PVALEF: variants seen among roughly 807,000 people sequenced by gnomAD.
The protein encoded by PVALEF is parvalbumin like EF-hand containing, also known as parvalbumin-like EF-hand-containing protein.
A neutral mutation model predicts 1.2 loss-of-function variants in PVALEF; 2 were observed. That is an observed-to-expected ratio of 1.68 (90% CI 0.69 to 5.28). The LOEUF is 5.28. PVALEF is among the 30% of genes most tolerant of loss of function. The pLI is 0.06. For missense variants in PVALEF, 35 were observed against 17.7 expected (o/e 1.97, Z -1.75); for synonymous variants, 16 against 6.5 (o/e 2.47, Z -2.24).
At chr17:81,174,908 C>T (rs948782421) in intron 2 of PVALEF, among the ~76,000 whole-genome samples, 5 of 148,318 alleles carry the variant, frequency 3.4e-5, no homozygotes, top group Non-Finnish European at 5.9e-5. Flanking sequence ...GAGATCACGC[C>T]ACTGCACTCC....
At chr17:81,182,511 G>A (rs2061558303) in intron 6 of PVALEF, among the ~76,000 whole-genome samples, 1 of 152,310 alleles carries the variant, frequency 6.6e-6, no homozygotes, top group Non-Finnish European at 1.5e-5. Flanking sequence ...TCATCTGCCT[G>A]GGTCTAGAAA....
chr17:81,177,777 C>T (rs779089120), intron 2 of PVALEF, among the ~76,000 whole-genome samples: 3 of 152,238 alleles, frequency 2.0e-5, no homozygotes, highest in Non-Finnish European at 4.4e-5. Flanking sequence ...CTGATTGCTT[C>T]ATCTCATCCA....
At position 81,183,073 on chromosome 17, in the gene PVALEF, C is replaced by G. The variant is rs1271552813; in HGVS notation, c.*62C>G. On this transcript the variant is annotated 3_prime_UTR_variant, in exon 7 of 7. Transcript: ENST00000637878. ...TGGGGTAACCGGGGTGACCACGCACCTGGGCAGAAGCCGTTGGGGCCGGTA... is the reference window on the plus strand; with the variant it reads ...TGGGGTAACCGGGGTGACCACGCACGTGGGCAGAAGCCGTTGGGGCCGGTA... The G allele has an allele frequency of 5.0e-6, 2 of 398,560 alleles. No individual in the cohort carries two copies. The highest frequency in any genetic ancestry group is 4.1e-5 in the African/African-American group (2 of 48,648). 24.7% of individuals were successfully genotyped at this position (398,560 alleles called of 1,614,324 possible).
intron 2 of PVALEF, among the ~76,000 whole-genome samples, chr17:81,171,203 G>A (rs934039846): frequency 3.3e-5 from 5 of 152,156 alleles, no homozygotes; most frequent in Admixed American, 1.3e-4. Flanking sequence ...TGACCTGGGG[G>A]CAGGGCTGGA....
chr17:81,177,518 C>T (rs572264831), intron 2 of PVALEF, among the ~76,000 whole-genome samples: 2 of 151,626 alleles, frequency 1.3e-5, no homozygotes, highest in Non-Finnish European at 2.9e-5. Context: ...TGCACTCCAG[C>T]CTGGGTGATA....
intron 2 of PVALEF, among the ~76,000 whole-genome samples, chr17:81,176,984 T>C (rs969544245): frequency 1.4e-5 from 2 of 143,114 alleles, no homozygotes. Context: ...TGGAGTGCGG[T>C]GGCGCGATCT....
At chr17:81,177,992 G>A (rs1375863252) in intron 2 of PVALEF, among the ~76,000 whole-genome samples, 11 of 152,170 alleles carry the variant, frequency 7.2e-5, no homozygotes, top group Admixed American at 7.2e-4. Context: ...CCGACCTGAG[G>A]CTCCAGGTGG....
chr17:81,172,303 C>T (rs940091902), intron 2 of PVALEF, among the ~76,000 whole-genome samples: 8 of 152,352 alleles, frequency 5.3e-5, no homozygotes, highest in African/African-American at 1.9e-4. Flanking sequence ...GGGTGAACCC[C>T]ACACAGAAGA....
chr17:81,181,114 A>G lies in PVALEF; in HGVS notation c.-104-9A>G, dbSNP rs1242207574. 1 of 646,710 alleles carries G rather than the reference A, an allele frequency of 1.5e-6. No individual in the cohort carries two copies. Among genetic ancestry groups the G allele is most frequent in the African/African-American group, 1.8e-5 (1 of 55,352 alleles). The allele number at this position is 646,710 out of a possible 1,614,324, so 40.1% of individuals were successfully genotyped here. On this transcript the variant is annotated splice_polypyrimidine_tract_variant and intron_variant, in intron 3 of 6. Coordinates refer to ENST00000637878, the MANE Select transcript of PVALEF (RefSeq NM_001354639.2). ...CACTGTGACGCCTGTCACCATTCCC[A>G]CTTTACAGCAGGATCCAGCACCACG...
chr17:81,180,813 A>G (rs1313681147), intron 3 of PVALEF, among the ~76,000 whole-genome samples: 1 of 152,014 alleles, frequency 6.6e-6, no homozygotes, highest in African/African-American at 2.4e-5. Context: ...TGGCAGCAAG[A>G]GCGTTCCAGA....
intron 1 of PVALEF, 91 bp downstream of exon 1, chr17:81,165,838 G>A: frequency 6.6e-7 from 1 of 1,522,352 alleles, no homozygotes. Context: ...GGCGGGGAAA[G>A]GGTTAATTTC....
chr17:81,173,492 T>C (rs952203260), intron 2 of PVALEF, among the ~76,000 whole-genome samples: 2 of 152,146 alleles, frequency 1.3e-5, no homozygotes, highest in South Asian at 2.1e-4. Context: ...GAGAACCGAC[T>C]ATGTGGCTTG....
At chr17:81,178,126 C>T (rs912781098) in intron 2 of PVALEF, among the ~76,000 whole-genome samples, 11 of 152,188 alleles carry the variant, frequency 7.2e-5, no homozygotes, top group Non-Finnish European at 1.2e-4. Flanking sequence ...CCTGGGGCCC[C>T]GCCAATGGCA....
intron 2 of PVALEF, among the ~76,000 whole-genome samples, chr17:81,169,757 T>C (rs908361198): frequency 5.9e-5 from 9 of 152,054 alleles, no homozygotes; most frequent in Non-Finnish European, 1.2e-4. Flanking sequence ...TGTCTATGTG[T>C]GTGTATGCAT....
intron 2 of PVALEF, among the ~76,000 whole-genome samples, chr17:81,167,724 G>T (rs1275584381): frequency 6.6e-6 from 1 of 152,230 alleles, no homozygotes; most frequent in Admixed American, 6.5e-5. Context: ...GGGGCAGAAG[G>T]AGACAGGGCA....
chr17:81,177,578 A>C (rs2146448740), intron 2 of PVALEF, among the ~76,000 whole-genome samples: 1 of 152,190 alleles, frequency 6.6e-6, no homozygotes, highest in East Asian at 1.9e-4. Flanking sequence ...AAAAAAGGCA[A>C]AGATGGTAAA....
intron 2 of PVALEF, among the ~76,000 whole-genome samples, chr17:81,170,960 AG>A (rs1019194042): frequency 3.9e-5 from 6 of 152,146 alleles, no homozygotes; most frequent in Non-Finnish European, 7.4e-5. Flanking sequence ...GCCCTCAGGC[AG>A]GAGGGGCAGC....
In PVALEF at chr17:81,165,721, G is replaced by C. The variant is rs1395500052; in HGVS notation, c.-534G>C. The C allele has an allele frequency of 1.3e-6, 2 of 1,522,892 alleles. No individual in the cohort carries two copies. Among genetic ancestry groups the C allele is most frequent in the African/African-American group, 2.8e-5 (2 of 72,536 alleles). The allele number at this position is 1,522,892 out of a possible 1,614,324, so 94.3% of individuals were successfully genotyped here. The stretch of plus-strand genomic sequence containing the variant: ...CAGCCACGGAGTCACGACCACGCGG[G>C]GGACGCCAGCCCACAGGCGGAGGCC... On this transcript the variant is annotated 5_prime_UTR_variant, in exon 1 of 7. Transcript: ENST00000637878.
intron 2 of PVALEF, among the ~76,000 whole-genome samples, chr17:81,167,229 G>T (rs1042701457): frequency 2.0e-5 from 3 of 152,226 alleles, no homozygotes; most frequent in African/African-American, 7.2e-5. Context: ...GGAGTTAGAG[G>T]CCGCAGTGAG....
Sources: allele counts gnomAD v4.1 joint callset (sites outside exome capture counted in the v4.1 genomes callset), GRCh38; gene constraint gnomAD v4.1.1; transcripts MANE v1.5; gene names NCBI Gene and HGNC (gene_info 2026-07-23, HGNC 2026-07-21).